The following CAMTA1 variants were observed in gnomAD, a reference collection of about 807,000 sequenced individuals.
The protein encoded by CAMTA1 is calmodulin binding transcription activator 1.
Under a neutral mutation model 170.9 loss-of-function variants are expected in CAMTA1, and 27 were observed. The ratio of observed to expected loss-of-function variants is 0.16; its 90% CI spans 0.12 to 0.22. The LOEUF is 0.22. CAMTA1 is among the 10% of genes least tolerant of loss of function. The pLI, the probability that CAMTA1 is intolerant of heterozygous loss-of-function variation, is 1.00. For synonymous variants in CAMTA1, 833 were observed against 891.5 expected (o/e 0.93, Z 1.17); for missense variants, 1,619 against 2,217.2 (o/e 0.73, Z 5.42).
chr1:7,468,950 T>C (rs1346378057), intron 6 of CAMTA1, among the ~76,000 whole-genome samples: 33 of 152,096 alleles, frequency 2.2e-4, no homozygotes, highest in Admixed American at 2.2e-3. Flanking sequence ...ACAGGAGAGC[T>C]GGTCTGGAAG....
At chr1:7,730,995 A>G (rs867482223) in intron 11 of CAMTA1, among the ~76,000 whole-genome samples, 1 of 151,972 alleles carries the variant, frequency 6.6e-6, no homozygotes, top group African/African-American at 2.4e-5. Context: ...AGATATACAT[A>G]TATGAAGCGA....
chr1:7,568,533 C>A (rs1340178047), intron 6 of CAMTA1, among the ~76,000 whole-genome samples: 3 of 150,666 alleles, frequency 2.0e-5, no homozygotes, highest in African/African-American at 2.5e-5. Context: ...CCATCATCAG[C>A]ATCACCATCA....
At chr1:7,594,854 G>C (rs1290946308) in intron 6 of CAMTA1, among the ~76,000 whole-genome samples, 2 of 152,216 alleles carry the variant, frequency 1.3e-5, no homozygotes, top group African/African-American at 4.8e-5. Context: ...GCTCCCCTCG[G>C]GTCATATTGC....
intron 7 of CAMTA1, among the ~76,000 whole-genome samples, chr1:7,648,478 G>C (rs970453407): frequency 6.6e-6 from 1 of 152,166 alleles, no homozygotes; most frequent in Non-Finnish European, 1.5e-5. Context: ...AGTAAGGAGT[G>C]GGGGGATCAG....
At chr1:7,235,304 A>C (rs1210794414) in intron 4 of CAMTA1, among the ~76,000 whole-genome samples, 1 of 152,126 alleles carries the variant, frequency 6.6e-6, no homozygotes, top group Non-Finnish European at 1.5e-5. Flanking sequence ...TAGCTACAGG[A>C]TAGTGCCATT....
intron 4 of CAMTA1, among the ~76,000 whole-genome samples, chr1:7,221,966 C>T (rs921704469): frequency 4.0e-5 from 6 of 150,904 alleles, no homozygotes; most frequent in East Asian, 1.9e-4. Flanking sequence ...CTGTAGTCCT[C>T]GGTTGCCTGG....
intron 5 of CAMTA1, among the ~76,000 whole-genome samples, chr1:7,302,692 C>T (rs1210543738): frequency 6.6e-6 from 1 of 152,220 alleles, no homozygotes; most frequent in African/African-American, 2.4e-5. Flanking sequence ...TGCTTCTCCC[C>T]ATCCCAGAGT....
intron 5 of CAMTA1, among the ~76,000 whole-genome samples, chr1:7,393,929 G>A (rs866814250): frequency 2.4e-4 from 36 of 152,198 alleles, no homozygotes; most frequent in Admixed American, 2.0e-4. Flanking sequence ...TTCCACATAT[G>A]GATGAGATCA....
intron 4 of CAMTA1, among the ~76,000 whole-genome samples, chr1:7,133,911 T>C (rs1645400383): frequency 6.6e-6 from 1 of 152,234 alleles, no homozygotes; most frequent in Non-Finnish European, 1.5e-5. Flanking sequence ...TAATGTCAAC[T>C]CTTGATTTAG....
At chr1:7,469,075 G>A (rs1392730389) in intron 6 of CAMTA1, among the ~76,000 whole-genome samples, 1 of 152,192 alleles carries the variant, frequency 6.6e-6, no homozygotes, top group Non-Finnish European at 1.5e-5. Flanking sequence ...TTCTCCCTCA[G>A]TTCCCAGAAA....
intron 3 of CAMTA1, among the ~76,000 whole-genome samples, chr1:6,825,685 T>A (rs1353707995): frequency 6.6e-6 from 1 of 152,156 alleles, no homozygotes; most frequent in Non-Finnish European, 1.5e-5. Context: ...GTTTGCTTAA[T>A]GCTAAGAATT....
chr1:7,362,475 G>C (rs1017080782), intron 5 of CAMTA1, among the ~76,000 whole-genome samples: 1 of 152,184 alleles, frequency 6.6e-6, no homozygotes, highest in Non-Finnish European at 1.5e-5. Context: ...AATAGAGTTA[G>C]TGGACTGGTG....
Position 7,455,318 on chromosome 1 carries a change from G to A in CAMTA1, c.439-12512G>A, listed in dbSNP as rs1259257300. Among the ~76,000 whole-genome samples the A allele has an allele frequency of 6.6e-6, 1 of 152,162 alleles. No homozygotes were observed. The highest frequency in any genetic ancestry group is 2.4e-5 in the African/African-American group (1 of 41,432). ...TGCTCTCTTTTGTAGAGATGTTTTC[G>A]TGAACTTGAGAAAAAATCGGGAAAA... On this transcript the variant is annotated intron_variant, in intron 5 of 22. Coordinates refer to ENST00000303635, the MANE Select transcript of CAMTA1 (RefSeq NM_015215.4). The surrounding 1 kb of genome is among the most constrained non-coding windows in gnomAD (Gnocchi z 5.0).
intron 6 of CAMTA1, among the ~76,000 whole-genome samples, chr1:7,475,187 G>A (rs2093400996): frequency 6.6e-6 from 1 of 152,156 alleles, no homozygotes; most frequent in South Asian, 2.1e-4. Flanking sequence ...AAATACCTGA[G>A]CTTTTTGCTC....
chr1:7,298,653 G>C (rs1674330614), intron 5 of CAMTA1, among the ~76,000 whole-genome samples: 1 of 152,016 alleles, frequency 6.6e-6, no homozygotes. Flanking sequence ...CTTCTCTCTG[G>C]GGGAATTAGG....
At chr1:7,613,805 T>C (rs145937360) in intron 6 of CAMTA1, among the ~76,000 whole-genome samples, 1,537 of 134,370 alleles carry the variant, frequency 0.011, 16 homozygotes, top group African/African-American at 0.041. Context: ...GCGATGGGTA[T>C]TGGGGCAAGC....
At position 7,641,411 on chromosome 1, in the gene CAMTA1, A is replaced by G. The variant is rs2148942419; in HGVS notation, c.664+858A>G. Among the ~76,000 whole-genome samples the G allele has an allele frequency of 6.6e-6, 1 of 152,178 alleles. No individual in the cohort carries two copies. The highest frequency in any genetic ancestry group is 2.1e-4 in the South Asian group (1 of 4,810). On this transcript the variant is annotated intron_variant, in intron 7 of 22. Transcript: ENST00000303635. This position sits in a 1 kb window ranked among gnomAD's most constrained non-coding sequence, Gnocchi z 4.5. ...CACTCAGAAGCAGAACTGTCCCTGG[A>G]GCTGGGCTGGAGGGAGGAAGCAGCT...
At chr1:6,877,159 A>G (rs1670141539) in intron 3 of CAMTA1, among the ~76,000 whole-genome samples, 1 of 152,178 alleles carries the variant, frequency 6.6e-6, no homozygotes, top group South Asian at 2.1e-4. Flanking sequence ...GCCTCTAGAC[A>G]TGTTGGAGAA....
At chr1:7,018,751 G>T (rs896961303) in intron 3 of CAMTA1, among the ~76,000 whole-genome samples, 15 of 152,168 alleles carry the variant, frequency 9.9e-5, no homozygotes, top group Non-Finnish European at 1.5e-4. Context: ...ATTTCCCGTT[G>T]TTGGGGTCGG....
Sources: allele counts gnomAD v4.1 joint callset (sites outside exome capture counted in the v4.1 genomes callset), GRCh38; gene constraint gnomAD v4.1.1; non-coding constraint Gnocchi (gnomAD v3.1); transcripts MANE v1.5; gene names NCBI Gene and HGNC (gene_info 2026-07-23, HGNC 2026-07-21).